Variants in ARAP2 observed in about 807,000 individuals in gnomAD.
ARAP2 encodes the protein arf-GAP with Rho-GAP domain, ANK repeat and PH domain-containing protein 2.
In ARAP2, 148 loss-of-function variants were observed where a neutral mutation model predicts 194.5. That is an observed-to-expected ratio of 0.76 (90% confidence interval 0.67 to 0.87). The LOEUF (loss-of-function observed/expected upper bound fraction) is 0.87, where lower values mean the gene tolerates loss of function less well. ARAP2 is among the 40% of genes least tolerant of loss of function. The pLI is 0.00. For missense variants in ARAP2, 2,128 were observed against 1,989.7 expected (o/e 1.07, Z -1.32); for synonymous variants, 695 against 683.5 (o/e 1.02, Z -0.26).
chr4:36,074,184 C>A (rs964687316), intron 31 of ARAP2, among the ~76,000 whole-genome samples: 3 of 152,094 alleles, frequency 2.0e-5, no homozygotes, highest in Non-Finnish European at 4.4e-5. Flanking sequence ...TATACATTTA[C>A]ACCAAATATG....
At chr4:36,040,780 C>A (rs1034081424) in intron 5 of ARAP2, among the ~76,000 whole-genome samples, 4 of 152,172 alleles carry the variant, frequency 2.6e-5, no homozygotes, top group African/African-American at 9.7e-5. Flanking sequence ...ATGTCGTCTG[C>A]AAACAGAAAT....
chr4:36,107,710 C>A lies in ARAP2; in HGVS notation c.4157-17G>T. The A allele has an allele frequency of 6.4e-7, 1 of 1,572,910 alleles. No homozygotes were observed. Among genetic ancestry groups the A allele is most frequent in the Non-Finnish European group, 8.6e-7 (1 of 1,163,832 alleles). ...GAGGACGCTCTGTAAAAAATAAATT[C>A]CAAATCAAATGGAAAATATATGAGG... On this transcript the variant is annotated splice_polypyrimidine_tract_variant and intron_variant, in intron 26 of 32. Coordinates refer to ENST00000303965, the MANE Select transcript of ARAP2 (RefSeq NM_015230.4).
Position 36,107,686 on chromosome 4 carries a change from A to G in ARAP2, c.4164T>C (p.Pro1388=). The G allele has an allele frequency of 6.3e-7, 1 of 1,598,280 alleles. No homozygotes were observed. Among genetic ancestry groups the G allele is most frequent in the South Asian group, 1.1e-5 (1 of 87,804 alleles). The change falls in exon 27 of 33, where the codon CCT becomes CCC. Residue 1388 remains proline, a synonymous_variant. Transcript: ENST00000303965. ...CCAGTACATTTTCCTTGTAGTGAAGAGGACGCTCTGTAAAAAATAAATTCC... is the reference window on the plus strand; with the variant it reads ...CCAGTACATTTTCCTTGTAGTGAAGGGGACGCTCTGTAAAAAATAAATTCC... The part of the protein sequence containing the change: ...EVIENEELER[P]LHYKENVLEQ...
At chr4:36,006,664 A>G (rs1020737958) in intron 10 of ARAP2, 8 of 152,154 alleles carry the variant, frequency 5.3e-5, no homozygotes, top group Non-Finnish European at 4.4e-5. Flanking sequence ...AAAATTTGGA[A>G]TTATTTTTAT....
In ARAP2 at chr4:36,107,692, C is replaced by A; in HGVS notation, c.4158G>T (p.Glu1386Asp). ...CATTTTCCTTGTAGTGAAGAGGACG[C>A]TCTGTAAAAAATAAATTCCAAATCA... ...TFEVIENEEL[E>D]RPLHYKENVL... The change falls in exon 27 of 33, where the codon GAG (glutamate) becomes GAT (aspartate). Residue 1386 changes from glutamate (E) to aspartate (D), a missense_variant and splice_region_variant. Physicochemically the swap from Glu to Asp is conservative, Grantham distance 45. Transcript: ENST00000303965. The A allele has an allele frequency of 1.3e-6, 2 of 1,589,382 alleles. No individual in the cohort carries two copies. The highest frequency in any genetic ancestry group is 1.7e-6 in the Non-Finnish European group (2 of 1,170,372).
intron 32 of ARAP2, 33 bp from the exon 33 acceptor site, chr4:36,068,311 CA>C: frequency 6.7e-7 from 1 of 1,497,650 alleles, no homozygotes; most frequent in South Asian, 1.4e-5. Flanking sequence ...CACAGGGAAG[CA>C]AGATTTGGCA....
At chr4:36,079,225 A>G (rs1728954776) in intron 31 of ARAP2, among the ~76,000 whole-genome samples, 2 of 151,886 alleles carry the variant, frequency 1.3e-5, no homozygotes. Context: ...AATAAGTTAC[A>G]AAAAGAAGAA....
chr4:36,104,857 T>G (rs1020430793), intron 27 of ARAP2, among the ~76,000 whole-genome samples: 2 of 152,010 alleles, frequency 1.3e-5, no homozygotes, highest in South Asian at 4.1e-4. Context: ...AATGATCCAA[T>G]TAATGTATTT....
At chr4:36,107,349 G>T (rs1009856395) in intron 27 of ARAP2, among the ~76,000 whole-genome samples, 1 of 151,880 alleles carries the variant, frequency 6.6e-6, no homozygotes, top group Non-Finnish European at 1.5e-5. Flanking sequence ...CCTGAACTTG[G>T]TACAATCAAA....
chr4:36,137,458 T>C (rs1186727672), intron 19 of ARAP2, among the ~76,000 whole-genome samples: 1 of 151,866 alleles, frequency 6.6e-6, no homozygotes, highest in Non-Finnish European at 1.5e-5. Flanking sequence ...TGTAGAAAAC[T>C]CATGGACATT....
intron 16 of ARAP2, among the ~76,000 whole-genome samples, chr4:36,148,903 T>C (rs1393648511): frequency 3.3e-5 from 5 of 152,124 alleles, no homozygotes; most frequent in Non-Finnish European, 5.9e-5. Context: ...TAACTTCAAA[T>C]GGTCCCAGTC....
intron 28 of ARAP2, among the ~76,000 whole-genome samples, chr4:36,087,442 G>T (rs1027402773): frequency 3.9e-5 from 6 of 152,046 alleles, no homozygotes; most frequent in Non-Finnish European, 8.8e-5. Context: ...AATGTGTTCA[G>T]TATCCTTAAA....
chr4:36,014,224 C>CGGAAGAAAGGAA (rs1392259044), intron 8 of ARAP2, among the ~76,000 whole-genome samples: 1 of 61,696 alleles, frequency 1.6e-5, no homozygotes, highest in African/African-American at 6.1e-5. Flanking sequence ...GAGACCCTAT[C>CGGAAGAAAGGAA]GAAAGAAAGA....
intron 16 of ARAP2, among the ~76,000 whole-genome samples, chr4:36,150,415 G>A (rs1730679773): frequency 2.0e-5 from 3 of 152,090 alleles, no homozygotes; most frequent in African/African-American, 7.2e-5. Context: ...GGAGGTCGGG[G>A]TGGGCGGATC....
intron 7 of ARAP2, among the ~76,000 whole-genome samples, chr4:36,190,905 C>T (rs1467570810): frequency 3.3e-5 from 5 of 152,098 alleles, no homozygotes; most frequent in Non-Finnish European, 7.4e-5. Context: ...AAAGGAAACC[C>T]TATAAATCCA....
intron 2 of ARAP2, among the ~76,000 whole-genome samples, chr4:36,226,696 T>C (rs942139992): frequency 1.3e-5 from 2 of 152,236 alleles, no homozygotes; most frequent in Non-Finnish European, 2.9e-5. Context: ...ATCTGTTTTA[T>C]ATCCATTTAA....
At chr4:36,165,717 G>A (rs1000807043) in intron 10 of ARAP2, among the ~76,000 whole-genome samples, 7 of 152,010 alleles carry the variant, frequency 4.6e-5, no homozygotes, top group African/African-American at 7.3e-5. Context: ...ATGTTTACTG[G>A]GAACTCGAGT....
At chr4:36,045,350 C>T (rs1721621306) in intron 5 of ARAP2, among the ~76,000 whole-genome samples, 1 of 152,082 alleles carries the variant, frequency 6.6e-6, no homozygotes, top group African/African-American at 2.4e-5. Context: ...AATGGAATAC[C>T]ATTCAGCCTT....
At chr4:36,223,354 G>A (rs1002584894) in intron 2 of ARAP2, among the ~76,000 whole-genome samples, 5 of 151,920 alleles carry the variant, frequency 3.3e-5, no homozygotes, top group South Asian at 4.2e-4. Flanking sequence ...TCCCTATGTC[G>A]ATTTTATTAT....
Sources: allele counts gnomAD v4.1 joint callset (sites outside exome capture counted in the v4.1 genomes callset), GRCh38; gene constraint gnomAD v4.1.1; transcripts MANE v1.5; gene names NCBI Gene and HGNC (gene_info 2026-07-23, HGNC 2026-07-21).